DLC1: variants seen among roughly 807,000 people sequenced by gnomAD.
DLC1 encodes the protein DLC1 Rho GTPase activating protein.
DLC1 carries 54 observed loss-of-function variants against 140.3 expected under a neutral mutation model. That is an observed-to-expected ratio of 0.38 (90% confidence interval 0.31 to 0.48). The LOEUF (loss-of-function observed/expected upper bound fraction) is 0.48. DLC1 is among the 20% of genes least tolerant of loss of function. The pLI is 0.96. For missense variants in DLC1, 2,536 were observed against 1,907.0 expected (o/e 1.33, Z -6.14); for synonymous variants, 986 against 728.1 (o/e 1.35, Z -5.70).
chr8:13,415,462 C>T (rs950056553), intron 2 of DLC1, among the ~76,000 whole-genome samples: 40 of 150,594 alleles, frequency 2.7e-4, no homozygotes, highest in South Asian at 6.3e-4. Flanking sequence ...TGTAGTAGCG[C>T]GACCATGGCT....
intron 4 of DLC1, among the ~76,000 whole-genome samples, chr8:13,329,277 G>T (rs897842389): frequency 6.6e-6 from 1 of 152,136 alleles, no homozygotes. Flanking sequence ...GTCCTATAGA[G>T]CTTTCCAATT....
chr8:13,424,978 A>G (rs772712258), intron 2 of DLC1, among the ~76,000 whole-genome samples: 8 of 152,168 alleles, frequency 5.3e-5, no homozygotes, highest in Non-Finnish European at 8.8e-5. Context: ...ATATGCATTT[A>G]TTGCTAAATA....
chr8:13,108,076 G>C (rs912958770), intron 7 of DLC1, among the ~76,000 whole-genome samples: 1 of 151,954 alleles, frequency 6.6e-6, no homozygotes, highest in East Asian at 1.9e-4. Flanking sequence ...AAAGGAAGCT[G>C]CTTGAAATAC....
intron 5 of DLC1, among the ~76,000 whole-genome samples, chr8:13,185,009 T>C (rs982829527): frequency 6.6e-6 from 1 of 152,142 alleles, no homozygotes; most frequent in Non-Finnish European, 1.5e-5. Flanking sequence ...ATATTTAGGA[T>C]AGTTAGCTCT....
intron 5 of DLC1, among the ~76,000 whole-genome samples, chr8:13,245,948 C>T (rs548485574): frequency 6.6e-6 from 1 of 152,188 alleles, no homozygotes; most frequent in South Asian, 2.1e-4. Context: ...GTGATTCACC[C>T]GCCTCAACCC....
At chr8:13,333,423 T>TCG (rs1833686083) in intron 4 of DLC1, among the ~76,000 whole-genome samples, 1 of 152,106 alleles carries the variant, frequency 6.6e-6, no homozygotes, top group Non-Finnish European at 1.5e-5. Flanking sequence ...TTTTGTTTTT[T>TCG]TTGTTTTAGT....
At chr8:13,294,521 T>C (rs1331025638) in intron 5 of DLC1, among the ~76,000 whole-genome samples, 2 of 151,950 alleles carry the variant, frequency 1.3e-5, no homozygotes, top group South Asian at 2.1e-4. Context: ...AAATGAGTCA[T>C]TGGGGGTTAG....
chr8:13,384,853 A>C (rs1418409126), intron 4 of DLC1, among the ~76,000 whole-genome samples: 1 of 152,102 alleles, frequency 6.6e-6, no homozygotes, highest in Non-Finnish European at 1.5e-5. Context: ...AGCGACAGGG[A>C]AGTACTGGGG....
At chr8:13,473,583 C>T (rs1474386826) in intron 2 of DLC1, among the ~76,000 whole-genome samples, 3 of 151,834 alleles carry the variant, frequency 2.0e-5, no homozygotes, top group Non-Finnish European at 2.9e-5. Flanking sequence ...CAGAAGAAGA[C>T]AGGAAAATGT....
At chr8:13,401,699 G>A (rs1162979558) in intron 2 of DLC1, 80 bp from the exon 3 acceptor site, 1 of 1,521,988 alleles carries the variant, frequency 6.6e-7, no homozygotes, top group Non-Finnish European at 8.8e-7. Flanking sequence ...TCTTCAATGT[G>A]ACAAAAAGTA....
At chr8:13,104,795 G>T (rs2128941554) in intron 7 of DLC1, among the ~76,000 whole-genome samples, 1 of 152,254 alleles carries the variant, frequency 6.6e-6, no homozygotes, top group East Asian at 1.9e-4. Flanking sequence ...AATAAAGATA[G>T]CCCAGAGCGC....
Position 13,509,865 on chromosome 8 carries a change from G to C in DLC1, c.-126+4737C>G, listed in dbSNP as rs946381774. ...AATTCTATGTACCTCAGTTTTCTCAGTTCTGTAATGGGAATAATGAAAAAA... is the reference window on the plus strand; with the variant it reads ...AATTCTATGTACCTCAGTTTTCTCACTTCTGTAATGGGAATAATGAAAAAA... On this transcript the variant is annotated intron_variant, in intron 1 of 17. Transcript: ENST00000276297. 3.3e-5 allele frequency among the ~76,000 whole-genome samples: 5 copies of C among 152,222 alleles called. No individual in the cohort carries two copies. The East Asian group carries it at 9.7e-4, about 29-fold the overall frequency.
intron 2 of DLC1, among the ~76,000 whole-genome samples, chr8:13,419,175 C>T (rs1838201280): frequency 6.6e-6 from 1 of 152,120 alleles, no homozygotes; most frequent in South Asian, 2.1e-4. Flanking sequence ...GACAATTTGA[C>T]TTCCTGTTTT....
intron 4 of DLC1, among the ~76,000 whole-genome samples, chr8:13,360,384 A>G (rs1003013958): frequency 2.0e-5 from 3 of 152,196 alleles, no homozygotes; most frequent in Non-Finnish European, 4.4e-5. Context: ...TTGGTATTAT[A>G]AAAGCCCCCC....
At position 13,462,341 on chromosome 8, in the gene DLC1, T is replaced by C. The variant is rs111256196; in HGVS notation, c.1023+36708A>G. Among the ~76,000 whole-genome samples, 5 of 152,270 alleles carry C rather than the reference T, an allele frequency of 3.3e-5. No individual in the cohort carries two copies. The East Asian group carries it at 9.6e-4, about 29-fold the overall frequency. On this transcript the variant is annotated intron_variant, in intron 2 of 17. Coordinates refer to ENST00000276297, the MANE Select transcript of DLC1 (RefSeq NM_182643.3). Reference sequence around the variant, plus strand: ...TAAATCCACCTGGGAACTTTTCTTTTGTAACTTGGCTGACAATGTATCCTG... The same window carrying C: ...TAAATCCACCTGGGAACTTTTCTTTCGTAACTTGGCTGACAATGTATCCTG...
intron 4 of DLC1, among the ~76,000 whole-genome samples, chr8:13,311,006 A>T (rs571867272): frequency 2.0e-5 from 3 of 152,198 alleles, no homozygotes; most frequent in African/African-American, 7.2e-5. Flanking sequence ...TACTTGTTCT[A>T]AATAATAGAC....
chr8:13,297,281 T>TAAAAAAAAAAAAAA (rs1563233158), intron 5 of DLC1, among the ~76,000 whole-genome samples: 1 of 192 alleles, frequency 5.2e-3, no homozygotes, highest in Non-Finnish European at 0.015. Flanking sequence ...CCTTCATACA[T>TAAAAAAAAAAAAAA]TAAAAAAAAA....
rs1323671892 is a variant in DLC1 at position 13,292,189 on chromosome 8, G to A, written c.1348+13080C>T. Among the ~76,000 whole-genome samples, 5 of 152,100 alleles carry A rather than the reference G, an allele frequency of 3.3e-5. 1 individual carries two copies. The highest frequency in any genetic ancestry group is 2.0e-4 in the Admixed American group (3 of 15,272). ...AATGCCTGAAGGAGTTTGTATGAGT[G>A]TTGGAGTATCTCCTTTTGGAAAGAC... On this transcript the variant is annotated intron_variant, in intron 5 of 17. Coordinates refer to ENST00000276297, the MANE Select transcript of DLC1 (RefSeq NM_182643.3).
intron 2 of DLC1, among the ~76,000 whole-genome samples, chr8:13,468,116 A>G (rs1174275614): frequency 6.6e-6 from 1 of 152,240 alleles, no homozygotes; most frequent in Non-Finnish European, 1.5e-5. Context: ...TTTTATTTAT[A>G]GAAGAATTTT....
Sources: allele counts gnomAD v4.1 joint callset (sites outside exome capture counted in the v4.1 genomes callset), GRCh38; gene constraint gnomAD v4.1.1; transcripts MANE v1.5; gene names NCBI Gene and HGNC (gene_info 2026-07-23, HGNC 2026-07-21).